Variants in SLC38A9 observed in about 807,000 individuals in gnomAD.
The protein encoded by SLC38A9 is neutral amino acid transporter 9.
Under a neutral mutation model 62.3 loss-of-function variants are expected in SLC38A9, and 48 were observed. That is an observed-to-expected ratio of 0.77 (90% CI 0.61 to 0.98). The LOEUF (loss-of-function observed/expected upper bound fraction) is 0.98. SLC38A9 is among the 50% of genes least tolerant of loss of function. SLC38A9 has a pLI of 0.00. For missense variants in SLC38A9, 541 were observed against 679.8 expected, an observed-to-expected ratio of 0.80 and a Z score of 2.27; for synonymous variants, 204 against 227.7, an observed-to-expected ratio of 0.90 and a Z score of 0.94.
At chr5:55,658,723 T>A (rs915423892) in intron 8 of SLC38A9, among the ~76,000 whole-genome samples, 1 of 152,202 alleles carries the variant, frequency 6.6e-6, no homozygotes, top group Non-Finnish European at 1.5e-5. Flanking sequence ...TTTATGGTAA[T>A]TTGTTACTGC....
At position 55,633,797 on chromosome 5, in the gene SLC38A9, G is replaced by C. The variant is rs184922428; in HGVS notation, c.1387C>G (p.Arg463Gly). Residue 463 changes from arginine (R) to glycine (G), a missense_variant, in exon 14 of 16, where the codon CGT (arginine) becomes GGT (glycine). Arg to Gly is a moderately radical substitution (Grantham distance 125). Coordinates refer to ENST00000396865, the MANE Select transcript of SLC38A9 (RefSeq NM_173514.4). ...TVYPLLGYLA[R>G]VQLLGHIFGD... ...AAGATATGGCCCAAAAGCTGGACACGAGCCAGGTAGCCTAAGAGTGGGTAT... is the reference window on the plus strand; with the variant it reads ...AAGATATGGCCCAAAAGCTGGACACCAGCCAGGTAGCCTAAGAGTGGGTAT... The C allele has an allele frequency of 6.2e-7, 1 of 1,614,144 alleles. No individual in the cohort carries two copies. The highest frequency in any genetic ancestry group is 1.7e-5 in the Admixed American group (1 of 60,022).
rs1422152363 is a variant in SLC38A9 at position 55,652,733 on chromosome 5, G to C, written c.758-10C>G. On this transcript the variant is annotated splice_polypyrimidine_tract_variant and intron_variant, in intron 9 of 15. Transcript: ENST00000396865. ...GCACTTGGACAAATCACTGCAATAG[G>C]AAAGCACCAGATTAAAGAAGATGAC... is the stretch of plus-strand genomic sequence containing the variant. 6.3e-7 allele frequency: 1 copy of C among 1,594,718 alleles called. No individual in the cohort carries two copies. The highest frequency in any genetic ancestry group is 1.8e-5 in the Admixed American group (1 of 55,564).
chr5:55,682,313 A>T lies in SLC38A9; in HGVS notation c.114-9618T>A, dbSNP rs1753140592. The stretch of plus-strand genomic sequence containing the variant: ...TACAATAAATGTTCTTGCACAGAGC[A>T]GCACCTGCACAGAAACCTTCCCAAG... On this transcript the variant is annotated intron_variant, in intron 3 of 15. Transcript: ENST00000396865. Among the ~76,000 whole-genome samples the T allele has an allele frequency of 2.0e-5, 3 of 152,230 alleles. No individual in the cohort carries two copies. The South Asian group carries it at 6.2e-4, about 31-fold the overall frequency.
In SLC38A9 at chr5:55,667,799, G is replaced by C. The variant is rs181098378; in HGVS notation, c.526+1429C>G. On this transcript the variant is annotated intron_variant, in intron 7 of 15. Coordinates refer to ENST00000396865, the MANE Select transcript of SLC38A9 (RefSeq NM_173514.4). ...GGCTGAAGTGCAGTGGCACAATCTT[G>C]GCTCACTGCAAGCTCCACTTCCTGG... Among the ~76,000 whole-genome samples the C allele has an allele frequency of 1.7e-3, 254 of 151,964 alleles. 1 individual carries two copies. The highest frequency in any genetic ancestry group is 0.014 in the Middle Eastern group (4 of 294).
intron 3 of SLC38A9, among the ~76,000 whole-genome samples, chr5:55,683,312 T>A (rs926327248): frequency 1.3e-5 from 2 of 152,140 alleles, no homozygotes; most frequent in East Asian, 1.9e-4. Flanking sequence ...GGACTCAAAC[T>A]CCTCGGCTCA....
chr5:55,676,337 G>A (rs532719596), intron 3 of SLC38A9, among the ~76,000 whole-genome samples: 10 of 152,064 alleles, frequency 6.6e-5, no homozygotes, highest in East Asian at 3.9e-4. Context: ...CACCATGCCC[G>A]TCTAATTAAA....
At position 55,710,187 on chromosome 5, in the gene SLC38A9, CTA is replaced by C. The variant is rs372209853; in HGVS notation, c.-35+1263_-35+1264del. ...TTTTATTTTCTTAGAAACAAAGCAA[CTA>C]TATAGGTGACAACTTTTTTTTTTTT... On this transcript the variant is annotated intron_variant, in intron 2 of 15. Transcript: ENST00000396865. Among the ~76,000 whole-genome samples the C allele has an allele frequency of 4.3e-3, 627 of 144,680 alleles. 3 individuals are homozygous for C. Among genetic ancestry groups the C allele is most frequent in the African/African-American group, 0.015 (590 of 39,412 alleles). 94.9% of individuals were successfully genotyped at this position (144,680 alleles called of 152,430 possible). A position where few individuals can be genotyped will look rare whatever the true frequency, so the allele number is the denominator to read the frequency against.
chr5:55,656,553 T>TC (rs1487131948), intron 9 of SLC38A9, among the ~76,000 whole-genome samples, 162 bp downstream of exon 9: 2 of 152,090 alleles, frequency 1.3e-5, no homozygotes, highest in African/African-American at 4.8e-5. Flanking sequence ...TTTTGGAGGT[T>TC]CTTTTTTTTT....
intron 3 of SLC38A9, among the ~76,000 whole-genome samples, chr5:55,677,711 A>AT (rs1039098863): frequency 2.4e-4 from 23 of 97,628 alleles, no homozygotes; most frequent in East Asian, 5.1e-4. Context: ...AAAAAAAAAA[A>AT]TTTTTTTTTT....
intron 8 of SLC38A9, among the ~76,000 whole-genome samples, chr5:55,663,438 C>T (rs1414137556): frequency 6.6e-6 from 1 of 150,462 alleles, no homozygotes; most frequent in African/African-American, 2.4e-5. Flanking sequence ...GTTTTTTAAA[C>T]AATAAAGATG....
chr5:55,651,982 A>G (rs1326897780), intron 10 of SLC38A9, among the ~76,000 whole-genome samples: 1 of 150,954 alleles, frequency 6.6e-6, no homozygotes, highest in Non-Finnish European at 1.5e-5. Flanking sequence ...ACACACACAC[A>G]CAACAAAACC....
chr5:55,671,499 ATTC>A (rs1188845063), intron 4 of SLC38A9, among the ~76,000 whole-genome samples: 2 of 92,446 alleles, frequency 2.2e-5, no homozygotes, highest in Non-Finnish European at 5.1e-5. Flanking sequence ...TCAGTTTCCC[ATTC>A]TTCTTTTTTT....
chr5:55,697,609 T>TA (rs1756065575), intron 3 of SLC38A9, among the ~76,000 whole-genome samples: 1 of 147,718 alleles, frequency 6.8e-6, no homozygotes, highest in Admixed American at 6.8e-5. Flanking sequence ...CCTTACTTTG[T>TA]AAAGTTACCC....
Position 55,652,559 on chromosome 5 carries a change from G to A in SLC38A9, c.922C>T (p.Pro308Ser). The A allele has an allele frequency of 6.2e-7, 1 of 1,603,186 alleles. No homozygotes were observed. The highest frequency in any genetic ancestry group is 8.5e-7 in the Non-Finnish European group (1 of 1,175,190). Residue 308 changes from proline to serine, a missense_variant, in exon 10 of 16, where the codon CCT (proline) becomes TCT (serine). Coordinates refer to ENST00000396865, the MANE Select transcript of SLC38A9 (RefSeq NM_173514.4). ...ATATTAAATTTTGAAAAAAATGAAG[G>A]AGACTTGAAATTGAGCAGTGGGAGG... ...LLLPLLNFKS[P>S]SFFSKFNILG... is the part of the protein sequence containing the mutation.
chr5:55,636,212 C>A (rs746235492), intron 12 of SLC38A9, among the ~76,000 whole-genome samples: 1 of 152,284 alleles, frequency 6.6e-6, no homozygotes, highest in Middle Eastern at 3.4e-3. Flanking sequence ...CTTAATAAAT[C>A]TAAACAGTAA....
At position 55,633,755 on chromosome 5, in the gene SLC38A9, T is replaced by G; in HGVS notation, c.1429A>C (p.Ser477Arg). ...LGHIFGDIYP[S>R]IFHVLILNLI... The stretch of plus-strand genomic sequence containing the variant: ...GCTGGTCAAGAGAAGAGCCCTTACC[T>G]AGGATAAATGTCACCGAAGATATGG... Residue 477 changes from serine (S) to arginine (R), a missense_variant and splice_region_variant, in exon 14 of 16, where the codon AGC (serine) becomes CGC (arginine). Physicochemically the swap from Ser to Arg is moderately radical, Grantham distance 110. Transcript: ENST00000396865. 1 of 1,614,088 alleles carries G rather than the reference T, an allele frequency of 6.2e-7. No individual in the cohort carries two copies. Among genetic ancestry groups the G allele is most frequent in the Non-Finnish European group, 8.5e-7 (1 of 1,180,006 alleles).
Position 55,693,098 on chromosome 5 carries a change from C to T in SLC38A9, c.113+4748G>A, listed in dbSNP as rs72760039. On this transcript the variant is annotated intron_variant, in intron 3 of 15. Transcript: ENST00000396865. Reference sequence around the variant, plus strand: ...CTCAAAAAAATAAGGATTCTGTTGACATTAAGGAATAGGTAGGGTTGCTGA... The same window carrying T: ...CTCAAAAAAATAAGGATTCTGTTGATATTAAGGAATAGGTAGGGTTGCTGA... 9.3e-3 allele frequency: 6,260 copies of T among 670,828 alleles called. 30 individuals are homozygous for T. The highest frequency in any genetic ancestry group is 0.011 in the Non-Finnish European group (5,780 of 542,930). 41.6% of individuals were successfully genotyped at this position (670,828 alleles called of 1,614,324 possible). A position where few individuals can be genotyped will look rare whatever the true frequency, so the allele number is the denominator to read the frequency against.
chr5:55,702,459 A>C (rs1756794829), intron 2 of SLC38A9, among the ~76,000 whole-genome samples: 1 of 151,446 alleles, frequency 6.6e-6, no homozygotes, highest in Non-Finnish European at 1.5e-5. Flanking sequence ...GAGTTTCACT[A>C]TGTTGCCCAG....
At chr5:55,666,932 G>A (rs997347601) in intron 7 of SLC38A9, among the ~76,000 whole-genome samples, 11 of 148,732 alleles carry the variant, frequency 7.4e-5, no homozygotes, top group Non-Finnish European at 1.2e-4. Context: ...GGAGAATGGC[G>A]TGAACCTGGG....
Sources: allele counts gnomAD v4.1 joint callset (sites outside exome capture counted in the v4.1 genomes callset), GRCh38; gene constraint gnomAD v4.1.1; transcripts MANE v1.5; gene names NCBI Gene and HGNC (gene_info 2026-07-23, HGNC 2026-07-21).